Variants in PLXNA4 observed in about 807,000 individuals in gnomAD.
PLXNA4 encodes the protein plexin A4.
PLXNA4 carries 44 observed loss-of-function variants against 191.8 expected under a neutral mutation model. The ratio of observed to expected loss-of-function variants is 0.23; its 90% CI spans 0.18 to 0.29. The LOEUF is 0.29. Among genes scored for constraint, PLXNA4 ranks in the 10% least tolerant of loss-of-function variants. The pLI, the probability that PLXNA4 is intolerant of heterozygous loss-of-function variation, is 1.00. For missense variants in PLXNA4, 1,800 were observed against 2,488.8 expected, an observed-to-expected ratio of 0.72 and a Z score of 5.89; for synonymous variants, 1,082 against 1,009.5, an observed-to-expected ratio of 1.07 and a Z score of -1.36.
chr7:132,193,984 G>T (rs1466732470), intron 14 of PLXNA4, 78 bp downstream of exon 14: 1 of 1,544,424 alleles, frequency 6.5e-7, no homozygotes. Context: ...TGCTCACAGA[G>T]CTCTAGAGGG....
At chr7:132,514,650 G>A (rs1798868618) in intron 1 of PLXNA4, among the ~76,000 whole-genome samples, 1 of 152,154 alleles carries the variant, frequency 6.6e-6, no homozygotes. Flanking sequence ...CTCTGAGCAA[G>A]AGGGAACTCC....
At chr7:132,381,312 G>A (rs1177688592) in intron 3 of PLXNA4, among the ~76,000 whole-genome samples, 3 of 152,206 alleles carry the variant, frequency 2.0e-5, no homozygotes, top group African/African-American at 7.2e-5. Context: ...GAGGTAGGGA[G>A]CAGAGGTGCA....
At chr7:132,345,002 T>A (rs957155251) in intron 3 of PLXNA4, among the ~76,000 whole-genome samples, 5 of 152,142 alleles carry the variant, frequency 3.3e-5, no homozygotes, top group Non-Finnish European at 7.3e-5. Flanking sequence ...AATACATATT[T>A]TCCCCAACAG....
At chr7:132,415,428 A>C (rs541043254) in intron 3 of PLXNA4, among the ~76,000 whole-genome samples, 11 of 152,248 alleles carry the variant, frequency 7.2e-5, no homozygotes, top group Admixed American at 7.2e-4. Context: ...TGCTGTTAGG[A>C]GATTTGTATC....
At chr7:132,253,078 CTT>C (rs1799310687) in intron 4 of PLXNA4, among the ~76,000 whole-genome samples, 2 of 152,064 alleles carry the variant, frequency 1.3e-5, no homozygotes, top group African/African-American at 4.8e-5. Flanking sequence ...CAGTGGTTAA[CTT>C]TGGAGAGTTT....
At chr7:132,484,595 T>C (rs761785011) in intron 3 of PLXNA4, among the ~76,000 whole-genome samples, 2 of 152,208 alleles carry the variant, frequency 1.3e-5, no homozygotes, top group African/African-American at 2.4e-5. Context: ...CATGAACCCA[T>C]GGCAGCTTGG....
intron 3 of PLXNA4, among the ~76,000 whole-genome samples, chr7:132,301,794 C>T (rs1292467835): frequency 1.3e-5 from 2 of 152,224 alleles, no homozygotes; most frequent in Non-Finnish European, 2.9e-5. Flanking sequence ...ATAATGATCC[C>T]TTATATTTTT....
chr7:132,203,510 G>A (rs954646526), intron 10 of PLXNA4, 91 bp from the exon 11 acceptor site: 2 of 1,127,896 alleles, frequency 1.8e-6, no homozygotes, highest in Non-Finnish European at 2.7e-6. Context: ...GCCGTTAAGA[G>A]CTCACAGGCT....
intron 3 of PLXNA4, among the ~76,000 whole-genome samples, chr7:132,348,892 AAATTTTTTTTGAGG>A (rs1803361506): frequency 1.3e-5 from 2 of 152,124 alleles, no homozygotes; most frequent in South Asian, 4.1e-4. Context: ...AAGGTGGAAA[AAATTTTTTTTGAGG>A]AAACTACCAC....
chr7:132,377,899 C>T (rs183947319), intron 3 of PLXNA4, among the ~76,000 whole-genome samples: 1 of 152,202 alleles, frequency 6.6e-6, no homozygotes, highest in East Asian at 1.9e-4. Context: ...AGAACAGAAA[C>T]ACACACCCAC....
chr7:132,142,005 C>T (rs1428310690), intron 29 of PLXNA4, among the ~76,000 whole-genome samples: 1 of 152,184 alleles, frequency 6.6e-6, no homozygotes, highest in Non-Finnish European at 1.5e-5. Flanking sequence ...GTTGAGAATA[C>T]AAGGCGTGAG....
In PLXNA4 at chr7:132,298,203, C is replaced by G; in HGVS notation, c.1391G>C (p.Arg464Thr). The change falls in exon 4 of 32, where the codon AGG (arginine) becomes ACG (threonine). Residue 464 changes from arginine to threonine, a missense_variant. Transcript: ENST00000321063. ...CGTCTCATACTGGAGGGCGTTGCCC[C>G]TGGGTCCATCCACCCGGATCTGTGG... ...KLKKIRVDGP[R>T]GNALQYETVQ... 6.2e-7 allele frequency: 1 copy of G among 1,613,824 alleles called. No homozygotes were observed. The highest frequency in any genetic ancestry group is 8.5e-7 in the Non-Finnish European group (1 of 1,179,856).
intron 2 of PLXNA4, among the ~76,000 whole-genome samples, chr7:132,628,171 T>C (rs73724098): frequency 0.034 from 5,252 of 152,290 alleles, 465 homozygotes; most frequent in East Asian, 0.27. Context: ...AAAAATTTAT[T>C]CTATCCTCAT....
At chr7:132,380,579 C>A (rs528320567) in intron 3 of PLXNA4, among the ~76,000 whole-genome samples, 1 of 152,238 alleles carries the variant, frequency 6.6e-6, no homozygotes, top group South Asian at 2.1e-4. Context: ...AGAAACTTGC[C>A]AACATTCCAG....
At chr7:132,212,470 A>G (rs62468400) in intron 9 of PLXNA4, among the ~76,000 whole-genome samples, 5,887 of 152,292 alleles carry the variant, frequency 0.039, 141 homozygotes, top group African/African-American at 0.067. Context: ...AACTAACTCT[A>G]GTACCCGTGA....
intron 3 of PLXNA4, among the ~76,000 whole-genome samples, chr7:132,450,765 T>G (rs1337579649): frequency 6.6e-6 from 1 of 152,186 alleles, no homozygotes; most frequent in Admixed American, 6.5e-5. Flanking sequence ...TCTTCAGCCC[T>G]CTTTCTCTCT....
intron 2 of PLXNA4, among the ~76,000 whole-genome samples, chr7:132,634,929 C>T (rs1367259655): frequency 6.6e-6 from 1 of 152,070 alleles, no homozygotes; most frequent in African/African-American, 2.4e-5. Flanking sequence ...TGGGTGTGCA[C>T]CATCTAATCA....
rs1159243836 is a variant in PLXNA4, at chr7:132,392,366, A to G, written c.1372-94144T>C. Among the ~76,000 whole-genome samples, 37 of 152,338 alleles carry G rather than the reference A, an allele frequency of 2.4e-4. 1 individual carries two copies. The highest frequency in any genetic ancestry group is 7.4e-5 in the Non-Finnish European group (5 of 68,026). On this transcript the variant is annotated intron_variant, in intron 3 of 31. Transcript: ENST00000321063. ...TAACTAACCTTCTTGTAGTCTGTAA[A>G]TGTGCACCTGCTATCAGGAGGCCCC...
chr7:132,536,728 G>A (rs1799850361), intron 1 of PLXNA4, among the ~76,000 whole-genome samples: 1 of 152,192 alleles, frequency 6.6e-6, no homozygotes, highest in Non-Finnish European at 1.5e-5. Context: ...GCTATGCCTG[G>A]TCCAGCAGCT....
Sources: allele counts gnomAD v4.1 joint callset (sites outside exome capture counted in the v4.1 genomes callset), GRCh38; gene constraint gnomAD v4.1.1; transcripts MANE v1.5; gene names NCBI Gene and HGNC (gene_info 2026-07-23, HGNC 2026-07-21).